Variants in ASB3 observed in about 807,000 individuals in gnomAD.
ASB3 encodes the protein ankyrin repeat and SOCS box protein 3.
In ASB3, 41 loss-of-function variants were observed where a neutral mutation model predicts 54.5. That is an observed-to-expected ratio of 0.75 (90% confidence interval 0.59 to 0.98). The LOEUF is 0.98. Ranked by LOEUF, ASB3 falls within the 50% of genes least tolerant of loss-of-function variation. The probability of loss-of-function intolerance (pLI) is 0.00; values close to 1 mark genes in which losing one functional copy is unlikely to be tolerated. For synonymous variants in ASB3, 266 were observed against 221.2 expected, an observed-to-expected ratio of 1.20 and a Z score of -1.80; for missense variants, 733 against 620.0, an observed-to-expected ratio of 1.18 and a Z score of -1.94.
rs187237254 is a variant in ASB3, at chr2:53,735,360, T to A, written c.356-5790A>T. Among the ~76,000 whole-genome samples the A allele has an allele frequency of 7.2e-5, 11 of 152,074 alleles. No individual in the cohort carries two copies. In the East Asian group the frequency reaches 2.1e-3, roughly 29 times the overall value. On this transcript the variant is annotated intron_variant, in intron 3 of 9. Coordinates refer to ENST00000263634, the MANE Select transcript of ASB3 (RefSeq NM_016115.5). ...TCCAAATACCTGCCAAGTATTTCCA[T>A]CCAGACATTCTATCAGCCCCTTAAA...
chr2:53,673,791 G>C (rs1381358849), intron 9 of ASB3, among the ~76,000 whole-genome samples: 1 of 152,170 alleles, frequency 6.6e-6, no homozygotes, highest in East Asian at 1.9e-4. Context: ...GAAAAGTATA[G>C]CTACTTCAGG....
intron 3 of ASB3, among the ~76,000 whole-genome samples, chr2:53,738,876 A>T (rs2103954885): frequency 6.6e-6 from 1 of 152,370 alleles, no homozygotes; most frequent in Non-Finnish European, 1.5e-5. Context: ...ACCGCATTTC[A>T]GAAGGCAGAG....
chr2:53,690,021 C>T (rs1668825467), intron 9 of ASB3, among the ~76,000 whole-genome samples: 1 of 151,834 alleles, frequency 6.6e-6, no homozygotes, highest in Admixed American at 6.6e-5. Context: ...TCACTTGAGC[C>T]CAGGAGGAGT....
At chr2:53,761,836 T>C (rs1466375227) in intron 2 of ASB3, among the ~76,000 whole-genome samples, 1 of 152,240 alleles carries the variant, frequency 6.6e-6, no homozygotes. Context: ...CCTACAGAAA[T>C]GGTTAACCAT....
intron 2 of ASB3, among the ~76,000 whole-genome samples, chr2:53,764,464 A>G (rs1673323406): frequency 6.6e-6 from 1 of 152,226 alleles, no homozygotes. Context: ...ACTGCCTCTA[A>G]CACCATTTTT....
chr2:53,779,857 C>G (rs1484774226), intron 1 of ASB3, among the ~76,000 whole-genome samples: 1 of 152,194 alleles, frequency 6.6e-6, no homozygotes, highest in Non-Finnish European at 1.5e-5. Context: ...ATTCATTAAT[C>G]CTTTAACACA....
intron 1 of ASB3, among the ~76,000 whole-genome samples, chr2:53,776,640 A>G (rs2692531): frequency 0.55 from 83,066 of 151,802 alleles, 23,515 homozygotes; most frequent in African/African-American, 0.7. Context: ...GAGCAACAGA[A>G]GAGCACCATC....
intron 3 of ASB3, among the ~76,000 whole-genome samples, chr2:53,746,284 G>C (rs1396356985): frequency 6.6e-6 from 1 of 152,042 alleles, no homozygotes; most frequent in East Asian, 1.9e-4. Context: ...AAAAGAGCAA[G>C]ACCCTACATC....
Position 53,774,680 on chromosome 2 carries a change from CA to C in ASB3, c.-13-9096del, listed in dbSNP as rs1674210843. Reference sequence around the variant, plus strand: ...AACACATATTTAAAATATTGGGATACAGTGAAAGAAAAATTCAAATTTTAAT... The same window carrying C: ...AACACATATTTAAAATATTGGGATACGTGAAAGAAAAATTCAAATTTTAAT... On this transcript the variant is annotated intron_variant, in intron 1 of 9. Transcript: ENST00000263634. The C allele has an allele frequency of 5.4e-6, 3 of 558,696 alleles. No individual in the cohort carries two copies. In the South Asian group the frequency reaches 1.3e-4, roughly 24 times the overall value. 34.6% of individuals were successfully genotyped at this position (558,696 alleles called of 1,614,324 possible).
chr2:53,762,982 A>C (rs974789632), intron 2 of ASB3, among the ~76,000 whole-genome samples: 1 of 152,160 alleles, frequency 6.6e-6, no homozygotes, highest in African/African-American at 2.4e-5. Context: ...TTTCCATTTT[A>C]TTTGTGTAGG....
intron 5 of ASB3, among the ~76,000 whole-genome samples, chr2:53,723,758 A>G (rs1243467910): frequency 6.6e-6 from 1 of 152,230 alleles, no homozygotes; most frequent in African/African-American, 2.4e-5. Context: ...GGAATAGAAT[A>G]GAGAATCCAG....
intron 3 of ASB3, among the ~76,000 whole-genome samples, chr2:53,733,771 C>T (rs1201720513): frequency 1.3e-5 from 2 of 152,184 alleles, no homozygotes; most frequent in African/African-American, 4.8e-5. Context: ...GAATTAAAGA[C>T]ACACACAGAG....
chr2:53,699,739 GC>G (rs68115730), intron 8 of ASB3, among the ~76,000 whole-genome samples: 15,137 of 152,054 alleles, frequency 0.1, 883 homozygotes, highest in East Asian at 0.18. Context: ...TCTTCTTCTT[GC>G]CCCCCAAAAA....
intron 3 of ASB3, among the ~76,000 whole-genome samples, chr2:53,749,349 C>G (rs749822620): frequency 6.6e-6 from 1 of 152,072 alleles, no homozygotes; most frequent in Non-Finnish European, 1.5e-5. Context: ...AACTAAAAGT[C>G]TCAAACATTA....
intron 1 of ASB3, chr2:53,767,692 G>C (rs1477768282): frequency 1.6e-6 from 1 of 638,438 alleles, no homozygotes; most frequent in Non-Finnish European, 2.7e-6. Context: ...CCCTAATCAA[G>C]GAAATAAAAT....
chr2:53,785,189 C>G (rs1237770328), intron 1 of ASB3, among the ~76,000 whole-genome samples: 1 of 152,220 alleles, frequency 6.6e-6, no homozygotes, highest in Non-Finnish European at 1.5e-5. Flanking sequence ...CTAAAAGCAA[C>G]ACATCCTACA....
intron 8 of ASB3, among the ~76,000 whole-genome samples, chr2:53,697,158 A>G (rs1270193709): frequency 6.6e-6 from 1 of 152,194 alleles, no homozygotes; most frequent in East Asian, 1.9e-4. Context: ...GCTAATTATA[A>G]CGCATTAGCA....
intron 7 of ASB3, among the ~76,000 whole-genome samples, chr2:53,703,093 A>G (rs1669581094): frequency 6.6e-6 from 1 of 152,254 alleles, no homozygotes; most frequent in Admixed American, 6.5e-5. Flanking sequence ...CTAAGCCACA[A>G]TCTACTTCTG....
chr2:53,768,033 G>A (rs918173510), intron 1 of ASB3: 32 of 1,612,180 alleles, frequency 2.0e-5, no homozygotes, highest in Non-Finnish European at 2.6e-5. Context: ...TGAGGCGCCG[G>A]TCAGCTCCCC....
Sources: allele counts gnomAD v4.1 joint callset (sites outside exome capture counted in the v4.1 genomes callset), GRCh38; gene constraint gnomAD v4.1.1; transcripts MANE v1.5; gene names NCBI Gene and HGNC (gene_info 2026-07-23, HGNC 2026-07-21).